Variants in SLCO4C1 observed in about 807,000 individuals in gnomAD.
SLCO4C1 encodes solute carrier organic anion transporter family member 4C1, also known as organic anion transporter M1.
In SLCO4C1, 58 loss-of-function variants were observed where a neutral mutation model predicts 72.1. The observed-to-expected ratio is 0.80, with a 90% confidence interval of 0.65 to 1.00. The LOEUF (loss-of-function observed/expected upper bound fraction) is 1.00. Ranked by LOEUF, SLCO4C1 falls within the 50% of genes least tolerant of loss-of-function variation. The pLI, the probability that SLCO4C1 is intolerant of heterozygous loss-of-function variation, is 0.00. For missense variants in SLCO4C1, 898 were observed against 857.9 expected (o/e 1.05, Z -0.58); for synonymous variants, 297 against 312.5 (o/e 0.95, Z 0.52).
Position 102,296,189 on chromosome 5 carries a change from G to T in SLCO4C1, c.74C>A (p.Ala25Glu). The change falls in exon 1 of 13, where the codon GCG (alanine) becomes GAG (glutamate). Residue 25 changes from alanine (A) to glutamate (E), a missense_variant. Transcript: ENST00000310954. Reference protein sequence around the residue: ...SSPDILRRLSASPSQIEVSAL... With the variant: ...SSPDILRRLSESPSQIEVSAL... The stretch of plus-strand genomic sequence containing the variant: ...AGAGACTTCGATTTGGGAGGGCGAC[G>T]CAGACAAGCGGCGCAGGATGTCTGG... The T allele has an allele frequency of 6.2e-7, 1 of 1,606,376 alleles. No individual in the cohort carries two copies. Among genetic ancestry groups the T allele is most frequent in the Non-Finnish European group, 8.5e-7 (1 of 1,175,838 alleles).
Position 102,257,828 on chromosome 5 carries a change from C to T in SLCO4C1, c.1273+115G>A, listed in dbSNP as rs376700760. ...ACAGACAGGGTTTCACCATGTTGGC[C>T]GGGCTGGTTTTAGTTTAAATTTCAA... On this transcript the variant is annotated intron_variant, in intron 7 of 12. Transcript: ENST00000310954. 2.1e-4 allele frequency: 195 copies of T among 943,982 alleles called. No individual in the cohort carries two copies. In the African/African-American group the frequency reaches 2.6e-3, roughly 12 times the overall value. The allele number at this position is 943,982 out of a possible 1,614,324, so 58.5% of individuals were successfully genotyped here.
Position 102,263,597 on chromosome 5 carries a change from GAAGTACTGTGA to G in SLCO4C1, c.899+76_899+86del, listed in dbSNP as rs1748981504. 3.0e-6 allele frequency: 3 copies of G among 998,426 alleles called. No individual in the cohort carries two copies. The South Asian group carries it at 4.6e-5, about 15-fold the overall frequency. 61.8% of individuals were successfully genotyped at this position (998,426 alleles called of 1,614,324 possible). ...AATAATTCCTCATGCTATACTGAGG[GAAGTACTGTGA>G]AAATGTTCTGTCTATGATGCTGGCA... is the stretch of plus-strand genomic sequence containing the variant. On this transcript the variant is annotated intron_variant, in intron 4 of 12. Transcript: ENST00000310954.
intron 2 of SLCO4C1, among the ~76,000 whole-genome samples, chr5:102,282,795 G>A (rs1010135010): frequency 3.3e-5 from 5 of 151,994 alleles, no homozygotes; most frequent in African/African-American, 7.2e-5. Flanking sequence ...GTTTATGTAT[G>A]ACAATATACG....
At position 102,295,912 on chromosome 5, in the gene SLCO4C1, CG is replaced by C. The variant is rs753117755; in HGVS notation, c.350del (p.Thr117SerfsTer5). The C allele has an allele frequency of 1.9e-6, 3 of 1,611,500 alleles. No individual in the cohort carries two copies. The highest frequency in any genetic ancestry group is 2.5e-6 in the Non-Finnish European group (3 of 1,178,030). On this transcript the variant is annotated frameshift_variant, in exon 1 of 13. Transcript: ENST00000310954. LOFTEE classifies it high-confidence loss of function. Reference protein sequence around the residue: ...FLLHYCLLAVTQGIVVNGLVN... With the variant: ...FLLHYCLLAVXQGIVVNGLVN... ...CAAGCGGGCGCTGGACTTTACCTTG[CG>C]TGACGGCCAAGAGGCAGTAGTGAAG...
At position 102,257,260 on chromosome 5, in the gene SLCO4C1, G is replaced by T; in HGVS notation, c.1324C>A (p.Leu442Ile). 1 of 1,606,030 alleles carries T rather than the reference G, an allele frequency of 6.2e-7. No homozygotes were observed. Among genetic ancestry groups the T allele is most frequent in the Non-Finnish European group, 8.5e-7 (1 of 1,176,802 alleles). Residue 442 changes from leucine (L) to isoleucine (I), a missense_variant, in exon 8 of 13, where the codon CTT (leucine) becomes ATT (isoleucine). Leu to Ile is a conservative substitution (Grantham distance 5). Coordinates refer to ENST00000310954, the MANE Select transcript of SLCO4C1 (RefSeq NM_180991.5). Reference protein sequence around the residue: ...AALGQILGGFLVSKFRMTCKN... With the variant: ...AALGQILGGFIVSKFRMTCKN... ...CATGTCATTCTGAATTTTGAAACAA[G>T]GAAGCCACCTAAAATTTGACCGAGA...
intron 5 of SLCO4C1, 69 bp downstream of exon 5, chr5:102,261,843 T>C (rs1748949502): frequency 6.9e-7 from 1 of 1,458,000 alleles, no homozygotes; most frequent in Non-Finnish European, 9.2e-7. Flanking sequence ...TTCTTATTAA[T>C]CATATAGAAA....
chr5:102,263,652 T>G (rs1357709877), intron 4 of SLCO4C1, 32 bp downstream of exon 4: 1 of 1,568,428 alleles, frequency 6.4e-7, no homozygotes, highest in Non-Finnish European at 8.7e-7. Context: ...ATAAAATGAC[T>G]TTAAATAAAA....
At position 102,296,231 on chromosome 5, in the gene SLCO4C1, G is replaced by A; in HGVS notation, c.32C>T (p.Ala11Val). The A allele has an allele frequency of 1.3e-6, 2 of 1,566,576 alleles. No individual in the cohort carries two copies. Among genetic ancestry groups the A allele is most frequent in the African/African-American group, 2.7e-5 (2 of 72,986 alleles). Residue 11 changes from alanine to valine, a missense_variant, in exon 1 of 13, where the codon GCT (alanine) becomes GTT (valine). By Grantham distance (64) the Ala-to-Val change is moderately conservative (BLOSUM62 0). Transcript: ENST00000310954. ...GATGTCTGGGCTGGAGGGGACAAAAGCCAAGTTCTCAATACCTTTGGCGCT... is the reference window on the plus strand; with the variant it reads ...GATGTCTGGGCTGGAGGGGACAAAAACCAAGTTCTCAATACCTTTGGCGCT... Reference protein sequence around the residue: MKSAKGIENLAFVPSSPDILR... With the variant: MKSAKGIENLVFVPSSPDILR...
At chr5:102,250,728 C>T (rs544924837) in intron 8 of SLCO4C1, among the ~76,000 whole-genome samples, 1 of 152,152 alleles carries the variant, frequency 6.6e-6, no homozygotes, top group South Asian at 2.1e-4. Flanking sequence ...GTGGCTTACA[C>T]CTGTAATCCC....
chr5:102,278,965 A>C (rs1038744312), intron 2 of SLCO4C1, among the ~76,000 whole-genome samples: 10 of 151,756 alleles, frequency 6.6e-5, no homozygotes, highest in Non-Finnish European at 1.5e-4. Context: ...TAAATTTAAA[A>C]TAAGTAGAAG....
intron 3 of SLCO4C1, among the ~76,000 whole-genome samples, chr5:102,266,874 A>G (rs555008308): frequency 2.6e-5 from 4 of 152,278 alleles, no homozygotes; most frequent in Non-Finnish European, 5.9e-5. Context: ...TTCTACATCT[A>G]CAGAGATGAT....
intron 2 of SLCO4C1, among the ~76,000 whole-genome samples, chr5:102,272,067 G>T (rs999061532): frequency 7.2e-5 from 11 of 152,076 alleles, no homozygotes; most frequent in African/African-American, 2.7e-4. Context: ...ATCCAGGCAG[G>T]CCCCAAGTAG....
intron 2 of SLCO4C1, among the ~76,000 whole-genome samples, chr5:102,283,587 A>G (rs139612148): frequency 5.4e-4 from 80 of 148,032 alleles, no homozygotes; most frequent in African/African-American, 1.8e-3. Context: ...TAAGGAAGCT[A>G]CAAAAAAAAA....
chr5:102,275,649 G>A (rs774041054), intron 2 of SLCO4C1, among the ~76,000 whole-genome samples: 1 of 152,100 alleles, frequency 6.6e-6, no homozygotes, highest in Non-Finnish European at 1.5e-5. Context: ...TGTATATCAC[G>A]TGTCACAAGC....
chr5:102,280,077 C>A, intron 2 of SLCO4C1, among the ~76,000 whole-genome samples: 1 of 101,870 alleles, frequency 9.8e-6, no homozygotes, highest in Admixed American at 1.4e-4. Flanking sequence ...AAGTTCTAAC[C>A]AGTGCAATAA....
intron 6 of SLCO4C1, among the ~76,000 whole-genome samples, chr5:102,259,169 T>C (rs972678457): frequency 3.3e-5 from 5 of 152,062 alleles, no homozygotes; most frequent in South Asian, 2.1e-4. Context: ...TAGTAAAATA[T>C]ATTATTCAGA....
intron 1 of SLCO4C1, among the ~76,000 whole-genome samples, chr5:102,292,509 A>G (rs1410653276): frequency 6.6e-6 from 1 of 152,230 alleles, no homozygotes; most frequent in Non-Finnish European, 1.5e-5. Flanking sequence ...GGAAGAAGAA[A>G]TTGAGCTCTC....
intron 8 of SLCO4C1, among the ~76,000 whole-genome samples, chr5:102,252,531 AC>A (rs1258315950): frequency 6.6e-6 from 1 of 152,186 alleles, no homozygotes; most frequent in Non-Finnish European, 1.5e-5. Flanking sequence ...AGAGCTCATA[AC>A]ATAGATGCAG....
intron 8 of SLCO4C1, among the ~76,000 whole-genome samples, 193 bp from the exon 9 acceptor site, chr5:102,249,981 A>T (rs987557821): frequency 3.3e-5 from 5 of 152,230 alleles, no homozygotes; most frequent in African/African-American, 1.2e-4. Context: ...AACAATAGTC[A>T]TATAGTATAG....
Sources: allele counts gnomAD v4.1 joint callset (sites outside exome capture counted in the v4.1 genomes callset), GRCh38; gene constraint gnomAD v4.1.1; transcripts MANE v1.5; gene names NCBI Gene and HGNC (gene_info 2026-07-23, HGNC 2026-07-21).